Variants in ZNF527 observed in about 807,000 individuals in gnomAD.
ZNF527 encodes the protein zinc finger protein 527.
Under a neutral mutation model 13.5 loss-of-function variants are expected in ZNF527, and 5 were observed. The observed-to-expected ratio is 0.37, with a 90% CI of 0.19 to 0.78. The LOEUF (loss-of-function observed/expected upper bound fraction) is 0.78, where lower values mean the gene tolerates loss of function less well. ZNF527 is among the 30% of genes least tolerant of loss of function. The pLI is 0.48. For synonymous variants in ZNF527, 209 were observed against 243.1 expected (o/e 0.86, Z 1.30); for missense variants, 628 against 726.4 (o/e 0.86, Z 1.56).
chr19:37,377,542 A>G (rs2040618205), intron 2 of ZNF527, among the ~76,000 whole-genome samples: 1 of 152,214 alleles, frequency 6.6e-6, no homozygotes, highest in African/African-American at 2.4e-5. Context: ...TTGTGTCAAC[A>G]TGTTTTATCA....
chr19:37,376,050 G>A (rs1225654417), intron 2 of ZNF527, among the ~76,000 whole-genome samples: 3 of 152,144 alleles, frequency 2.0e-5, no homozygotes, highest in African/African-American at 7.2e-5. Context: ...AATGGAGGCC[G>A]GGTGCGGTGG....
intron 4 of ZNF527, among the ~76,000 whole-genome samples, chr19:37,381,701 T>C (rs2040655340): frequency 6.6e-6 from 1 of 152,210 alleles, no homozygotes; most frequent in Non-Finnish European, 1.5e-5. Context: ...TGCCCATTTA[T>C]TTTAGCATTT....
rs921469212 is a variant in ZNF527 at position 37,391,910 on chromosome 19, A to G, written c.*2031A>G. 6.6e-6 allele frequency: 1 copy of G among 152,216 alleles called. No individual in the cohort carries two copies. The highest frequency in any genetic ancestry group is 1.5e-5 in the Non-Finnish European group (1 of 68,036). The allele number at this position is 152,216 out of a possible 1,614,324, so 9.4% of individuals were successfully genotyped here. A position where few individuals can be genotyped will look rare whatever the true frequency, so the allele number is the denominator to read the frequency against. On this transcript the variant is annotated 3_prime_UTR_variant, in exon 5 of 5. Coordinates refer to ENST00000436120, the MANE Select transcript of ZNF527 (RefSeq NM_032453.2). ...GAATATTGGGTATTGCCTGAAGAGCATCTGTAAAAACATATCAGAACAAAT... is the reference window on the plus strand; with the variant it reads ...GAATATTGGGTATTGCCTGAAGAGCGTCTGTAAAAACATATCAGAACAAAT...
rs79393216 is a variant in ZNF527, at chr19:37,388,713, A to C, written c.664A>C (p.Asn222His). ...TGCTGAGAAGGAATCTTTGATAGGT[A>C]ATGAATGTGAAGAATTCAACCAGAG... ...LHAEKESLIG[N>H]ECEEFNQSTY... The change falls in exon 5 of 5, where the codon AAT (asparagine) becomes CAT (histidine). Residue 222 changes from asparagine (N) to histidine (H), a missense_variant. This residue lies in a region of ZNF527 where 592 missense variants were observed against 678.0 expected (regional missense o/e 0.87). Transcript: ENST00000436120. 1.5e-3 allele frequency: 2,365 copies of C among 1,612,048 alleles called. 30 individuals carry two copies. In the African/African-American group the frequency reaches 0.027, roughly 19 times the overall value.
chr19:37,388,751 T>G lies in ZNF527; in HGVS notation c.702T>G (p.Ser234Arg), dbSNP rs757108272. The G allele has an allele frequency of 6.2e-6, 10 of 1,612,822 alleles. No homozygotes were observed. Among genetic ancestry groups the G allele is most frequent in the Non-Finnish European group, 8.5e-6 (10 of 1,179,760 alleles). Residue 234 changes from serine to arginine, a missense_variant, in exon 5 of 5, where the codon AGT becomes AGG. Ser to Arg is a moderately radical substitution (Grantham distance 110, BLOSUM62 -1). Transcript: ENST00000436120. ...AATTCAACCAGAGTACGTACCTTAG[T>G]AAAGATATAGGAATTCCTCCTGGGG... ...CEEFNQSTYL[S>R]KDIGIPPGEK...
Position 37,388,390 on chromosome 19 carries a change from A to C in ZNF527, c.341A>C (p.Glu114Ala), listed in dbSNP as rs2040717338. 6.2e-7 allele frequency: 1 copy of C among 1,614,156 alleles called. No individual in the cohort carries two copies. Among genetic ancestry groups the C allele is most frequent in the African/African-American group, 1.3e-5 (1 of 75,056 alleles). ...EDEISQEMVM[E>A]RLASHGLECS... ...GAAATATCCCAGGAGATGGTAATGGAAAGGCTAGCAAGTCATGGCCTTGAA... is the reference window on the plus strand; with the variant it reads ...GAAATATCCCAGGAGATGGTAATGGCAAGGCTAGCAAGTCATGGCCTTGAA... Residue 114 changes from glutamate to alanine, a missense_variant, in exon 5 of 5, where the codon GAA (glutamate) becomes GCA (alanine). By Grantham distance (107) the Glu-to-Ala change is moderately radical. This residue lies in a region of ZNF527 where 592 missense variants were observed against 678.0 expected (regional missense o/e 0.87). Transcript: ENST00000436120.
Position 37,388,717 on chromosome 19 carries a change from A to T in ZNF527, c.668A>T (p.Glu223Val). The change falls in exon 5 of 5, where the codon GAA becomes GTA. Residue 223 changes from glutamate to valine, a missense_variant. Physicochemically the swap from Glu to Val is moderately radical, Grantham distance 121. Coordinates refer to ENST00000436120, the MANE Select transcript of ZNF527 (RefSeq NM_032453.2). Reference sequence around the variant, plus strand: ...GAGAAGGAATCTTTGATAGGTAATGAATGTGAAGAATTCAACCAGAGTACG... The same window carrying T: ...GAGAAGGAATCTTTGATAGGTAATGTATGTGAAGAATTCAACCAGAGTACG... The part of the protein sequence containing the change: ...HAEKESLIGN[E>V]CEEFNQSTYL... The T allele has an allele frequency of 6.2e-7, 1 of 1,612,208 alleles. No homozygotes were observed. Among genetic ancestry groups the T allele is most frequent in the Non-Finnish European group, 8.5e-7 (1 of 1,179,522 alleles).
At chr19:37,374,270 C>T in intron 2 of ZNF527, 39 bp downstream of exon 2, 1 of 1,611,338 alleles carries the variant, frequency 6.2e-7, no homozygotes, top group Non-Finnish European at 8.5e-7. Context: ...GACATTTGAC[C>T]TCATTTTTCA....
intron 2 of ZNF527, among the ~76,000 whole-genome samples, chr19:37,374,438 T>C (rs1183510258): frequency 6.6e-6 from 1 of 152,184 alleles, no homozygotes; most frequent in East Asian, 1.9e-4. Context: ...CTATCCTCTT[T>C]AGATGGATGA....
intron 2 of ZNF527, among the ~76,000 whole-genome samples, chr19:37,374,997 G>A (rs190204255): frequency 3.9e-4 from 59 of 152,272 alleles, no homozygotes; most frequent in African/African-American, 1.4e-3. Context: ...TAGAAAATGC[G>A]ATTTGATCAA....
chr19:37,386,576 T>A (rs187568221), intron 4 of ZNF527, among the ~76,000 whole-genome samples: 6 of 152,302 alleles, frequency 3.9e-5, no homozygotes, highest in African/African-American at 1.2e-4. Flanking sequence ...TAAAATGTTA[T>A]TTAAATTTAA....
chr19:37,379,436 C>T, intron 3 of ZNF527, 190 bp downstream of exon 3: 1 of 382,492 alleles, frequency 2.6e-6, no homozygotes, highest in South Asian at 6.9e-5. Context: ...TTTTGGCAGA[C>T]ATTCTGAACA....
Position 37,388,206 on chromosome 19 carries a change from C to T in ZNF527, c.257-100C>T, listed in dbSNP as rs536355319. On this transcript the variant is annotated intron_variant, in intron 4 of 4. Transcript: ENST00000436120. ...GCTATTAGAACCACAGACTTTCTAC[C>T]CTCCTTCCCCCCAGTTAAATTCTTC... 4 of 1,382,350 alleles carry T rather than the reference C, an allele frequency of 2.9e-6. No homozygotes were observed. The Admixed American group carries it at 7.2e-5, about 25-fold the overall frequency. 85.6% of individuals were successfully genotyped at this position (1,382,350 alleles called of 1,614,324 possible).
intron 4 of ZNF527, among the ~76,000 whole-genome samples, chr19:37,386,613 G>A (rs191848956): frequency 1.2e-4 from 19 of 152,270 alleles, no homozygotes; most frequent in Non-Finnish European, 2.5e-4. Flanking sequence ...AGTGGCTACC[G>A]TATTGGATAG....
rs2040718268 is a variant in ZNF527, at chr19:37,388,473, A to G, written c.424A>G (p.Asn142Asp). 6.2e-7 allele frequency: 1 copy of G among 1,614,072 alleles called. No homozygotes were observed. ...YKGEFELHQG[N>D]AERHFMQVTA... ...GGGTGAATTTGAGCTACATCAGGGA[A>G]ATGCGGAGAGGCATTTCATGCAAGT... Residue 142 changes from asparagine to aspartate, a missense_variant, in exon 5 of 5, where the codon AAT becomes GAT. Physicochemically the swap from Asn to Asp is conservative, Grantham distance 23. This residue lies in a region of ZNF527 where 592 missense variants were observed against 678.0 expected (regional missense o/e 0.87). Coordinates refer to ENST00000436120, the MANE Select transcript of ZNF527 (RefSeq NM_032453.2).
At chr19:37,383,594 AGT>A (rs1168606915) in intron 4 of ZNF527, among the ~76,000 whole-genome samples, 1 of 149,070 alleles carries the variant, frequency 6.7e-6, no homozygotes, top group Non-Finnish European at 1.5e-5. Flanking sequence ...GCTGGAGTGC[AGT>A]GGCGCAATCT....
At chr19:37,383,550 T>C (rs1434006390) in intron 4 of ZNF527, among the ~76,000 whole-genome samples, 1 of 151,800 alleles carries the variant, frequency 6.6e-6, no homozygotes, top group Middle Eastern at 3.4e-3. Flanking sequence ...TTTTTTTTTT[T>C]TTTTTGAGAC....
chr19:37,388,316 T>C lies in ZNF527; in HGVS notation c.267T>C (p.Ser89=), dbSNP rs757104599. 1 of 1,612,018 alleles carries C rather than the reference T, an allele frequency of 6.2e-7. No homozygotes were observed. The highest frequency in any genetic ancestry group is 2.2e-5 in the East Asian group (1 of 44,814). The change falls in exon 5 of 5, where the codon TCT becomes TCC. Residue 89 remains serine, a synonymous_variant. Coordinates refer to ENST00000436120, the MANE Select transcript of ZNF527 (RefSeq NM_032453.2). Reference sequence around the variant, plus strand: ...CTTGATATTTTTCAGACTGGGAGTCTTGGTGTGAAATTGAGGAATTATCTC... The same window carrying C: ...CTTGATATTTTTCAGACTGGGAGTCCTGGTGTGAAATTGAGGAATTATCTC... ...MSQGHCADWE[S]WCEIEELSPK...
In ZNF527 at chr19:37,387,825, G is replaced by A. The variant is rs78242469; in HGVS notation, c.257-481G>A. 3.3e-5 allele frequency among the ~76,000 whole-genome samples: 5 copies of A among 152,302 alleles called. No homozygotes were observed. In the East Asian group the frequency reaches 9.6e-4, roughly 29 times the overall value. ...TTGCTATGAGATTAATCTGGCAGCA[G>A]TCATCCATTTAACAACATGCTGACA... On this transcript the variant is annotated intron_variant, in intron 4 of 4. Coordinates refer to ENST00000436120, the MANE Select transcript of ZNF527 (RefSeq NM_032453.2).
Sources: allele counts gnomAD v4.1 joint callset (sites outside exome capture counted in the v4.1 genomes callset), GRCh38; gene constraint gnomAD v4.1.1; regional missense constraint gnomAD v4.1.1; transcripts MANE v1.5; gene names NCBI Gene and HGNC (gene_info 2026-07-23, HGNC 2026-07-21).